AEBP2: variants seen among roughly 807,000 people sequenced by gnomAD.
AEBP2 encodes the protein zinc finger protein AEBP2.
AEBP2 carries 10 observed loss-of-function variants against 50.8 expected under a neutral mutation model. The observed-to-expected ratio is 0.20, with a 90% CI of 0.12 to 0.33. The LOEUF is 0.33. AEBP2 is among the 10% of genes least tolerant of loss of function. AEBP2 has a pLI of 1.00. For synonymous variants in AEBP2, 296 were observed against 261.3 expected (o/e 1.13, Z -1.28); for missense variants, 570 against 688.0 (o/e 0.83, Z 1.92).
intron 1 of AEBP2, among the ~76,000 whole-genome samples, chr12:19,406,321 G>T (rs1009807917): frequency 6.6e-6 from 1 of 152,012 alleles, no homozygotes; most frequent in Non-Finnish European, 1.5e-5. Context: ...GCTCACTCTT[G>T]GCATCATACA....
At chr12:19,440,728 G>A (rs1592715626) in intron 1 of AEBP2, 1 of 1,533,554 alleles carries the variant, frequency 6.5e-7, no homozygotes, top group Non-Finnish European at 8.7e-7. Flanking sequence ...GGTACTCAAG[G>A]TTAGCTTCTT....
chr12:19,456,501 T>C, intron 1 of AEBP2: 10 of 1,510,108 alleles, frequency 6.6e-6, no homozygotes, highest in Non-Finnish European at 9.2e-6. Context: ...GCGATCCATC[T>C]TTTCCTTCAG....
At chr12:19,505,750 G>A (rs1438214113) in intron 5 of AEBP2, among the ~76,000 whole-genome samples, 1 of 152,066 alleles carries the variant, frequency 6.6e-6, no homozygotes, top group Admixed American at 6.6e-5. Flanking sequence ...GGTTGAATAG[G>A]CATGGTCTGA....
chr12:19,413,167 A>T (rs878907422), intron 1 of AEBP2: 2 of 747,752 alleles, frequency 2.7e-6, no homozygotes, highest in Non-Finnish European at 5.0e-6. Flanking sequence ...CTGGCGATGC[A>T]GCCCAACAGG....
At chr12:19,477,904 C>T (rs536563251) in intron 3 of AEBP2, among the ~76,000 whole-genome samples, 1 of 152,176 alleles carries the variant, frequency 6.6e-6, no homozygotes, top group Non-Finnish European at 1.5e-5. Flanking sequence ...GTGAATCCAA[C>T]TGGTCCCAGA....
chr12:19,414,511 G>T (rs1207711985), intron 1 of AEBP2, among the ~76,000 whole-genome samples: 1 of 152,120 alleles, frequency 6.6e-6, no homozygotes, highest in Non-Finnish European at 1.5e-5. Flanking sequence ...GGTGAGAGAG[G>T]CACCCAGGAT....
chr12:19,440,497 T>C (rs1947934392), intron 1 of AEBP2, 127 bp downstream of exon 1: 5 of 1,393,232 alleles, frequency 3.6e-6, no homozygotes, highest in East Asian at 2.6e-5. Flanking sequence ...TCCCCCAGAC[T>C]CTCAACTCGG....
chr12:19,454,576 A>G (rs1948231160), intron 1 of AEBP2, among the ~76,000 whole-genome samples: 1 of 152,198 alleles, frequency 6.6e-6, no homozygotes. Context: ...AAATTCTGAA[A>G]TTCGTAGATT....
Position 19,521,791 on chromosome 12 carries a change from T to G in AEBP2, c.*3674T>G, listed in dbSNP as rs1949402611. ...CACAGTTGTTTAAAGCATTTTTATT[T>G]TTTCTTTGAATTCTTAATTCATGGT... On this transcript the variant is annotated 3_prime_UTR_variant, in exon 8 of 8. Coordinates refer to ENST00000266508, the MANE Select transcript of AEBP2 (RefSeq NM_153207.5). 3 of 152,138 alleles carry G rather than the reference T, an allele frequency of 2.0e-5. No individual in the cohort carries two copies. The highest frequency in any genetic ancestry group is 4.1e-4 in the South Asian group (2 of 4,832). The allele number at this position is 152,138 out of a possible 1,614,324, so 9.4% of individuals were successfully genotyped here.
At chr12:19,472,840 A>T (rs1314842626) in intron 2 of AEBP2, among the ~76,000 whole-genome samples, 1 of 152,120 alleles carries the variant, frequency 6.6e-6, no homozygotes, top group African/African-American at 2.4e-5. Context: ...ATACCTTTAA[A>T]AAGGTATATT....
At chr12:19,453,492 C>T (rs1948204655) in intron 1 of AEBP2, among the ~76,000 whole-genome samples, 1 of 151,234 alleles carries the variant, frequency 6.6e-6, no homozygotes, top group Non-Finnish European at 1.5e-5. Flanking sequence ...CGATTGAGCT[C>T]AGCTCACTGT....
chr12:19,501,797 G>GTTTTTTTTTTTTTTTTTTT (rs754195220), intron 5 of AEBP2, among the ~76,000 whole-genome samples: 10 of 70,904 alleles, frequency 1.4e-4, no homozygotes, highest in African/African-American at 2.0e-4. Context: ...AAATGAGTTT[G>GTTTTTTTTTTTTTTTTTTT]TTTTTTTTTT....
chr12:19,479,717 G>GTTTCTTTTTTTTTT (rs1948698002), intron 3 of AEBP2, among the ~76,000 whole-genome samples: 7 of 22,316 alleles, frequency 3.1e-4, no homozygotes, highest in Non-Finnish European at 4.5e-4. Flanking sequence ...CTCTTTGTGG[G>GTTTCTTTTTTTTTT]TTTTTTTTTT....
chr12:19,477,113 T>C lies in AEBP2; in HGVS notation c.987+3758T>C, dbSNP rs1385112520. On this transcript the variant is annotated intron_variant, in intron 3 of 7. Coordinates refer to ENST00000266508, the MANE Select transcript of AEBP2 (RefSeq NM_153207.5). Reference sequence around the variant, plus strand: ...TAAGTTCTTTAGTTGTTTCTCAACTTCGTCATTGTTGGTGTAGAGCAGTGT... The same window carrying C: ...TAAGTTCTTTAGTTGTTTCTCAACTCCGTCATTGTTGGTGTAGAGCAGTGT... Among the ~76,000 whole-genome samples, 14 of 152,200 alleles carry C rather than the reference T, an allele frequency of 9.2e-5. 1 individual carries two copies. Among genetic ancestry groups the C allele is most frequent in the African/African-American group, 2.4e-4 (10 of 41,444 alleles).
chr12:19,501,713 T>C (rs1442860930), intron 5 of AEBP2, among the ~76,000 whole-genome samples: 1 of 151,410 alleles, frequency 6.6e-6, no homozygotes, highest in East Asian at 1.9e-4. Context: ...TGCATGAAAA[T>C]TGAAATACAA....
intron 3 of AEBP2, among the ~76,000 whole-genome samples, chr12:19,475,454 G>A (rs1199248387): frequency 6.6e-5 from 10 of 151,856 alleles, no homozygotes; most frequent in Non-Finnish European, 1.3e-4. Flanking sequence ...ATGTATGTGT[G>A]TATGTGTGTG....
At chr12:19,452,535 A>G (rs1948182389) in intron 1 of AEBP2, among the ~76,000 whole-genome samples, 1 of 151,470 alleles carries the variant, frequency 6.6e-6, no homozygotes, top group South Asian at 2.1e-4. Flanking sequence ...GTTTTCTTGA[A>G]GTACCTGTTT....
chr12:19,418,571 C>T (rs1264562474), intron 1 of AEBP2, among the ~76,000 whole-genome samples: 1 of 152,060 alleles, frequency 6.6e-6, no homozygotes, highest in Non-Finnish European at 1.5e-5. Flanking sequence ...AACTGCCAAT[C>T]AGAAAATATT....
intron 5 of AEBP2, among the ~76,000 whole-genome samples, chr12:19,505,800 G>T (rs1220542276): frequency 6.6e-6 from 1 of 152,104 alleles, no homozygotes. Context: ...TTTTGAGTCA[G>T]AGTTTCACTG....
Sources: gnomAD v4.1 joint callset for allele counts (sites outside exome capture counted in the v4.1 genomes callset) on GRCh38, gnomAD v4.1.1 for gene constraint, MANE v1.5 for transcripts, NCBI Gene and HGNC (gene_info 2026-07-23, HGNC 2026-07-21) for gene names.